Variants in GRIK4 observed in about 807,000 individuals in gnomAD.
GRIK4 encodes glutamate receptor ionotropic, kainate 4.
In GRIK4, 40 loss-of-function variants were observed where a neutral mutation model predicts 104.9. That is an observed-to-expected ratio of 0.38 (90% confidence interval 0.30 to 0.50). GRIK4 has a LOEUF of 0.50. Ranked by LOEUF, GRIK4 falls within the 20% of genes least tolerant of loss-of-function variation. The pLI is 0.93. For synonymous variants in GRIK4, 485 were observed against 524.9 expected (o/e 0.92, Z 1.04); for missense variants, 1,047 against 1,308.1 (o/e 0.80, Z 3.08).
At chr11:120,547,963 G>A (rs1372800643) in intron 1 of GRIK4, among the ~76,000 whole-genome samples, 3 of 152,188 alleles carry the variant, frequency 2.0e-5, no homozygotes, top group Non-Finnish European at 4.4e-5. Context: ...GGAGCTGCCC[G>A]GCCTGTGACT....
At chr11:120,712,663 G>T (rs1356613647) in intron 3 of GRIK4, among the ~76,000 whole-genome samples, 1 of 151,916 alleles carries the variant, frequency 6.6e-6, no homozygotes, top group African/African-American at 2.4e-5. Flanking sequence ...TTCTGCCAGG[G>T]ACAGGGAGCT....
intron 1 of GRIK4, among the ~76,000 whole-genome samples, chr11:120,522,178 G>A (rs1381861730): frequency 2.0e-5 from 3 of 152,232 alleles, no homozygotes; most frequent in African/African-American, 7.2e-5. Context: ...GCTGAGTTGG[G>A]CAGCTGTGAA....
At chr11:120,894,670 G>A (rs571959222) in intron 11 of GRIK4, 14 of 152,472 alleles carry the variant, frequency 9.2e-5, no homozygotes, top group African/African-American at 3.1e-4. Context: ...ATGTGGGCAT[G>A]TGGAAGCGGC....
intron 1 of GRIK4, among the ~76,000 whole-genome samples, chr11:120,601,403 C>T (rs138573464): frequency 1.3e-5 from 2 of 152,184 alleles, no homozygotes; most frequent in East Asian, 3.9e-4. Flanking sequence ...GAGACTCCAT[C>T]TCAAACGAAA....
intron 1 of GRIK4, among the ~76,000 whole-genome samples, chr11:120,543,874 T>A (rs982849723): frequency 6.6e-6 from 1 of 152,206 alleles, no homozygotes; most frequent in Non-Finnish European, 1.5e-5. Flanking sequence ...CTAAGTGAAA[T>A]AAGCCAGGTA....
intron 1 of GRIK4, among the ~76,000 whole-genome samples, chr11:120,522,384 C>T (rs866789759): frequency 4.6e-5 from 7 of 152,000 alleles, no homozygotes; most frequent in Admixed American, 6.5e-5. Flanking sequence ...TGCCGTGGCG[C>T]GACCTCAGCT....
intron 3 of GRIK4, among the ~76,000 whole-genome samples, chr11:120,702,365 T>A (rs1259050080): frequency 6.6e-6 from 1 of 152,166 alleles, no homozygotes; most frequent in East Asian, 1.9e-4. Flanking sequence ...AATCTTGGTA[T>A]GCCAAATGTG....
At chr11:120,610,609 G>C (rs540364980) in intron 1 of GRIK4, among the ~76,000 whole-genome samples, 1 of 152,180 alleles carries the variant, frequency 6.6e-6, no homozygotes, top group Admixed American at 6.5e-5. Context: ...AGACCAGATG[G>C]TAGGGGACAC....
intron 3 of GRIK4, among the ~76,000 whole-genome samples, chr11:120,795,472 C>T (rs892968187): frequency 2.6e-5 from 4 of 152,206 alleles, no homozygotes; most frequent in South Asian, 2.1e-4. Flanking sequence ...CCAGGCGCCA[C>T]GTCTACTACT....
chr11:120,591,614 C>T (rs1464953599), intron 1 of GRIK4, among the ~76,000 whole-genome samples: 1 of 152,196 alleles, frequency 6.6e-6, no homozygotes, highest in Non-Finnish European at 1.5e-5. Flanking sequence ...TCCCTCTTCC[C>T]TCCACCACAG....
chr11:120,909,626 G>A, intron 13 of GRIK4, among the ~76,000 whole-genome samples: 1 of 152,216 alleles, frequency 6.6e-6, no homozygotes, highest in East Asian at 1.9e-4. Flanking sequence ...TGGACAACAA[G>A]CAAGGTACAT....
intron 13 of GRIK4, among the ~76,000 whole-genome samples, chr11:120,910,837 G>T (rs1192694883): frequency 6.6e-6 from 1 of 152,224 alleles, no homozygotes; most frequent in Non-Finnish European, 1.5e-5. Context: ...AACTCTGCCT[G>T]TGACACATGG....
At chr11:120,857,056 G>A (rs1054129567) in intron 8 of GRIK4, among the ~76,000 whole-genome samples, 3 of 152,136 alleles carry the variant, frequency 2.0e-5, no homozygotes, top group East Asian at 3.9e-4. Context: ...TGGACCCTGT[G>A]TGGTATAAGG....
chr11:120,568,511 C>T (rs1160908245), intron 1 of GRIK4, among the ~76,000 whole-genome samples: 1 of 152,084 alleles, frequency 6.6e-6, no homozygotes, highest in Non-Finnish European at 1.5e-5. Context: ...CTTCAGCCTC[C>T]CAGGTAGCTG....
chr11:120,741,631 C>A (rs1270983037), intron 3 of GRIK4, among the ~76,000 whole-genome samples: 3 of 152,300 alleles, frequency 2.0e-5, no homozygotes, highest in Middle Eastern at 3.4e-3. Flanking sequence ...GCAAAAATAG[C>A]AAATGTGTAG....
chr11:120,677,609 A>C (rs11607732), intron 3 of GRIK4, among the ~76,000 whole-genome samples: 1 of 152,146 alleles, frequency 6.6e-6, no homozygotes, highest in Non-Finnish European at 1.5e-5. Flanking sequence ...TAAATGTGGA[A>C]AGGCCAGACT....
At chr11:120,723,582 A>G (rs1157692671) in intron 3 of GRIK4, among the ~76,000 whole-genome samples, 2 of 152,322 alleles carry the variant, frequency 1.3e-5, no homozygotes, top group African/African-American at 4.8e-5. Context: ...ATGTACCCAG[A>G]TGGTAGATTC....
intron 3 of GRIK4, among the ~76,000 whole-genome samples, chr11:120,737,192 C>G (rs1255825068): frequency 2.0e-5 from 3 of 152,148 alleles, no homozygotes; most frequent in Non-Finnish European, 4.4e-5. Flanking sequence ...TGAGTAAATA[C>G]AGGAAATGAG....
chr11:120,546,362 G>A (rs1197119153), intron 1 of GRIK4, among the ~76,000 whole-genome samples: 1 of 152,116 alleles, frequency 6.6e-6, no homozygotes, highest in African/African-American at 2.4e-5. Flanking sequence ...AAGTGGTCAG[G>A]GGCATTTTTC....
Sources: allele counts gnomAD v4.1 joint callset (sites outside exome capture counted in the v4.1 genomes callset), GRCh38; gene constraint gnomAD v4.1.1; transcripts MANE v1.5; gene names NCBI Gene and HGNC (gene_info 2026-07-23, HGNC 2026-07-21).